The following FUS variants were observed in gnomAD, a reference collection of about 807,000 sequenced individuals.
The protein encoded by FUS is RNA-binding protein FUS.
In FUS, 5 loss-of-function variants were observed where a neutral mutation model predicts 82.7. That is an observed-to-expected ratio of 0.06 (90% CI 0.03 to 0.13). The LOEUF (loss-of-function observed/expected upper bound fraction) is 0.13, where lower values mean the gene tolerates loss of function less well. Ranked by LOEUF, FUS falls within the 10% of genes least tolerant of loss-of-function variation. The pLI is 1.00. For missense variants in FUS, 512 were observed against 707.8 expected, an observed-to-expected ratio of 0.72 and a Z score of 3.14; for synonymous variants, 281 against 247.4, an observed-to-expected ratio of 1.14 and a Z score of -1.27.
chr16:31,191,693 C>T, downstream of FUS: 1 of 683,836 alleles, frequency 1.5e-6, no homozygotes, highest in East Asian at 2.8e-5. Context: ...GATTACCCTG[C>T]CCAGCAGGAA....
chr16:31,184,330 C>G lies in FUS; in HGVS notation c.457C>G (p.Gln153Glu), dbSNP rs1399641268. ...ACAGCAGCAAAGCTATAATCCCCCT[C>G]AGGGCTATGGACAGCAGAACCAGTA... ...YGQQQSYNPP[Q>E]GYGQQNQYNS... Residue 153 changes from glutamine (Q) to glutamate (E), a missense_variant, in exon 5 of 15, where the codon CAG becomes GAG. Gln to Glu is a conservative substitution (Grantham distance 29). This residue lies in a region of FUS where 276 missense variants were observed against 303.3 expected (regional missense o/e 0.91). Transcript: ENST00000254108. The G allele has an allele frequency of 5.0e-6, 8 of 1,614,084 alleles. No individual in the cohort carries two copies. Among genetic ancestry groups the G allele is most frequent in the South Asian group, 1.1e-5 (1 of 91,078 alleles).
intron 1 of FUS, among the ~76,000 whole-genome samples, chr16:31,180,661 G>T (rs1454999179): frequency 6.6e-6 from 1 of 152,122 alleles, no homozygotes; most frequent in Non-Finnish European, 1.5e-5. Flanking sequence ...CCCCTTCCCC[G>T]CCTCGTGTTG....
At position 31,184,371 on chromosome 16, in the gene FUS, TGGTGGA is replaced by T; in HGVS notation, c.521_523+3del. On this transcript the variant is annotated inframe_deletion, in exon 5 of 15. Transcript: ENST00000254108. ...AGAACCAGTACAACAGCAGCAGTGG[TGGTGGA>T]GGTGGAGGTGGAGGTGGAGGTGAGA... 3,482 of 1,612,934 alleles carry T rather than the reference TGGTGGA, an allele frequency of 2.2e-3. 7 individuals are homozygous for T. The highest frequency in any genetic ancestry group is 0.014 in the African/African-American group (1,035 of 74,652).
At chr16:31,182,349 C>G in intron 1 of FUS, 49 bp from the exon 2 acceptor site, 1 of 1,608,872 alleles carries the variant, frequency 6.2e-7, no homozygotes. Context: ...TAATTCAACT[C>G]TTTCAGAGTG....
chr16:31,193,910 G>A (rs1264990500), downstream of FUS: 2 of 529,014 alleles, frequency 3.8e-6, no homozygotes, highest in East Asian at 4.0e-5. Flanking sequence ...GCCTCCCAAA[G>A]TGCTGGGATC....
chr16:31,190,145 A>G lies in FUS; in HGVS notation c.1168+4A>G. 6.2e-7 allele frequency: 1 copy of G among 1,614,072 alleles called. No homozygotes were observed. The highest frequency in any genetic ancestry group is 8.5e-7 in the Non-Finnish European group (1 of 1,179,984). ...CGTGGAGGCCGAGGGCGAGGAGGTG[A>G]GGAGCTACCTGCTAGTGGTGCAGAG... is the stretch of plus-strand genomic sequence containing the variant. On this transcript the variant is annotated splice_donor_region_variant and intron_variant, in intron 11 of 14. Transcript: ENST00000254108.
At chr16:31,193,402 T>C (rs2144152265), downstream of FUS, 2 of 526,280 alleles carry the variant, frequency 3.8e-6, no homozygotes, top group East Asian at 8.1e-5. Context: ...GCTGGTTTCT[T>C]TGTTAAATGT....
rs533736983 is a variant in FUS, at chr16:31,191,208, G to A, written c.1541+98G>A. 57 of 1,538,056 alleles carry A rather than the reference G, an allele frequency of 3.7e-5. No homozygotes were observed. In the African/African-American group the frequency reaches 5.6e-4, roughly 15 times the overall value. Reference sequence around the variant, plus strand: ...AAAGTGGTTTCATTTTGAGGGCTAGGTGGAAAGACCTGAGGTTGTAACCAG... The same window carrying A: ...AAAGTGGTTTCATTTTGAGGGCTAGATGGAAAGACCTGAGGTTGTAACCAG... On this transcript the variant is annotated intron_variant, in intron 14 of 14. Coordinates refer to ENST00000254108, the MANE Select transcript of FUS (RefSeq NM_004960.4).
chr16:31,184,021 CG>C lies in FUS; in HGVS notation c.335+23del, dbSNP rs2079221184. On this transcript the variant is annotated intron_variant, in intron 4 of 14. Coordinates refer to ENST00000254108, the MANE Select transcript of FUS (RefSeq NM_004960.4). Reference sequence around the variant, plus strand: ...CGGGAAGGTACGGTGGTGTTGATGTCGGGGAAGGCTTGAAAAGAGGGGTGAA... The same window carrying C: ...CGGGAAGGTACGGTGGTGTTGATGTCGGGAAGGCTTGAAAAGAGGGGTGAA... The C allele has an allele frequency of 6.2e-7, 1 of 1,613,646 alleles. No individual in the cohort carries two copies. Among genetic ancestry groups the C allele is most frequent in the Admixed American group, 1.7e-5 (1 of 59,964 alleles).
chr16:31,181,540 C>T (rs144190096), intron 1 of FUS, among the ~76,000 whole-genome samples: 1 of 152,128 alleles, frequency 6.6e-6, no homozygotes, highest in South Asian at 2.1e-4. Context: ...TCTTTTGATT[C>T]TCTGGCTTTG....
At chr16:31,190,709 C>T (rs368419983) in intron 12 of FUS, 33 bp from the exon 13 acceptor site, 58 of 1,582,520 alleles carry the variant, frequency 3.7e-5, no homozygotes, top group South Asian at 1.1e-4. Context: ...TATTCCCCAT[C>T]GCTCCAGACT....
downstream of FUS, chr16:31,193,906 C>CA (rs1205434285): frequency 3.8e-6 from 2 of 529,376 alleles, no homozygotes; most frequent in African/African-American, 3.7e-5. Flanking sequence ...CTCAGCCTCC[C>CA]AAAGTGCTGG....
downstream of FUS, chr16:31,192,962 CTA>C (rs2144150107): frequency 2.1e-6 from 1 of 484,952 alleles, no homozygotes; most frequent in East Asian, 4.9e-5. Context: ...GGCACAGAAA[CTA>C]TGACTTTATT....
rs77336736 is a variant in FUS at position 31,180,568 on chromosome 16, A to C, written c.13+341A>C. ...CCCCCAACTCCCGGCCCCGCGCTCG[A>C]GCCCGCTTTGTCGCAGTGCTGCATC... On this transcript the variant is annotated intron_variant, in intron 1 of 14. Coordinates refer to ENST00000254108, the MANE Select transcript of FUS (RefSeq NM_004960.4). Among the ~76,000 whole-genome samples, 4 of 152,102 alleles carry C rather than the reference A, an allele frequency of 2.6e-5. No homozygotes were observed. The East Asian group carries it at 7.7e-4, about 29-fold the overall frequency.
rs370954028 is a variant in FUS, at chr16:31,184,974, G to A, written c.559G>A (p.Gly187Ser). Residue 187 changes from glycine to serine, a missense_variant, in exon 6 of 15, where the codon GGT (glycine) becomes AGT (serine). Around this residue, in one of 6 missense-constraint regions of FUS, gnomAD observed 276 missense variants for 303.3 expected, o/e 0.91. Transcript: ENST00000254108. ...CCAAGATCAATCCTCCATGAGTAGT[G>A]GTGGTGGCAGTGGTGGCGGTTATGG... ...YGQDQSSMSS[G>S]GGSGGGYGNQ... The A allele has an allele frequency of 9.9e-6, 16 of 1,613,726 alleles. No homozygotes were observed. Among genetic ancestry groups the A allele is most frequent in the Non-Finnish European group, 1.3e-5 (15 of 1,179,958 alleles).
At position 31,184,319 on chromosome 16, in the gene FUS, A is replaced by G. The variant is rs749827958; in HGVS notation, c.446A>G (p.Tyr149Cys). 1.9e-6 allele frequency: 3 copies of G among 1,614,058 alleles called. No homozygotes were observed. The highest frequency in any genetic ancestry group is 2.7e-5 in the African/African-American group (2 of 74,930). Residue 149 changes from tyrosine to cysteine, a missense_variant, in exon 5 of 15, where the codon TAT becomes TGT. Tyr to Cys is a radical substitution (Grantham distance 194, BLOSUM62 -2). Around this residue, in one of 6 missense-constraint regions of FUS, gnomAD observed 276 missense variants for 303.3 expected, o/e 0.91. Coordinates refer to ENST00000254108, the MANE Select transcript of FUS (RefSeq NM_004960.4). ...QQQSYGQQQSYNPPQGYGQQN... is the reference protein window; with the variant it reads ...QQQSYGQQQSCNPPQGYGQQN... ...CAAAGCTATGGACAGCAGCAAAGCT[A>G]TAATCCCCCTCAGGGCTATGGACAG...
downstream of FUS, chr16:31,192,404 CT>C (rs909219882): frequency 1.9e-6 from 1 of 522,806 alleles, no homozygotes; most frequent in Non-Finnish European, 3.7e-6. Context: ...ATTTAGCATG[CT>C]TTTTATTTTA....
chr16:31,191,525 C>G lies in FUS; in HGVS notation c.*87C>G, dbSNP rs761547006. Reference sequence around the variant, plus strand: ...ATTTTGTAACCTTCCAATTCCTGATCACCCAAGGGTTTTTTTGTGTCGGAC... The same window carrying G: ...ATTTTGTAACCTTCCAATTCCTGATGACCCAAGGGTTTTTTTGTGTCGGAC... On this transcript the variant is annotated 3_prime_UTR_variant, in exon 15 of 15. Transcript: ENST00000254108. 7.0e-7 allele frequency: 1 copy of G among 1,427,286 alleles called. No individual in the cohort carries two copies. Among genetic ancestry groups the G allele is most frequent in the Non-Finnish European group, 9.9e-7 (1 of 1,012,516 alleles). The allele number at this position is 1,427,286 out of a possible 1,614,324, so 88.4% of individuals were successfully genotyped here. A position where few individuals can be genotyped will look rare whatever the true frequency, so the allele number is the denominator to read the frequency against.
downstream of FUS, chr16:31,194,078 T>G: frequency 3.7e-6 from 2 of 534,376 alleles, no homozygotes; most frequent in South Asian, 3.1e-5. Context: ...TAGGTCTGTT[T>G]GTCCCTTCCT....
Sources: gnomAD v4.1 joint callset for allele counts (sites outside exome capture counted in the v4.1 genomes callset) on GRCh38, gnomAD v4.1.1 for gene constraint, gnomAD v4.1.1 regional missense constraint, MANE v1.5 for transcripts, NCBI Gene and HGNC (gene_info 2026-07-23, HGNC 2026-07-21) for gene names.